The following LRP4 variants were observed in gnomAD, a reference collection of about 807,000 sequenced individuals.
LRP4 encodes low-density lipoprotein receptor-related protein 4.
LRP4 carries 95 observed loss-of-function variants against 220.3 expected under a neutral mutation model. The observed-to-expected ratio is 0.43, with a 90% CI of 0.37 to 0.51. The LOEUF (loss-of-function observed/expected upper bound fraction) is 0.51, where lower values mean the gene tolerates loss of function less well. Among genes scored for constraint, LRP4 ranks in the 20% least tolerant of loss-of-function variants. LRP4 has a pLI of 0.00. For missense variants in LRP4, 1,925 were observed against 2,567.0 expected, an observed-to-expected ratio of 0.75 and a Z score of 5.40; for synonymous variants, 903 against 954.6, an observed-to-expected ratio of 0.95 and a Z score of 1.00.
rs775159238 is a variant in LRP4 at position 46,874,954 on chromosome 11, A to T, written c.4075T>A (p.Ser1359Thr). Residue 1359 changes from serine to threonine, a missense_variant, in exon 28 of 38, where the codon TCC becomes ACC. Ser to Thr is a moderately conservative substitution (Grantham distance 58). Coordinates refer to ENST00000378623, the MANE Select transcript of LRP4 (RefSeq NM_002334.4). ...ATACGCCGGATGGAGCCACGGCTGGAGAAGAGCAGGTAGGTCTCAGGAGAG... is the reference window on the plus strand; with the variant it reads ...ATACGCCGGATGGAGCCACGGCTGGTGAAGAGCAGGTAGGTCTCAGGAGAG... ...DPSPETYLLF[S>T]SRGSIRRISL... 27 of 1,614,064 alleles carry T rather than the reference A, an allele frequency of 1.7e-5. No homozygotes were observed. The Admixed American group carries it at 3.8e-4, about 23-fold the overall frequency.
chr11:46,918,343 G>T lies in LRP4; in HGVS notation c.37C>A (p.Leu13Met). Reference sequence around the variant, plus strand: ...CGCCGCTTACCGTGTGCGCAGAGCAGGGCGCCAAGCAGCAGCGCGCCCCAC... The same window carrying T: ...CGCCGCTTACCGTGTGCGCAGAGCATGGCGCCAAGCAGCAGCGCGCCCCAC... Reference protein sequence around the residue: ...RQWGALLLGALLCAHGLASSP... With the variant: ...RQWGALLLGAMLCAHGLASSP... The change falls in exon 1 of 38, where the codon CTG becomes ATG. Residue 13 changes from leucine to methionine, a missense_variant. Coordinates refer to ENST00000378623, the MANE Select transcript of LRP4 (RefSeq NM_002334.4). This position sits in a 1 kb window ranked among gnomAD's most constrained non-coding sequence, Gnocchi z 6.0. 1 of 1,493,680 alleles carries T rather than the reference G, an allele frequency of 6.7e-7. No homozygotes were observed. The highest frequency in any genetic ancestry group is 1.2e-5 in the South Asian group (1 of 80,334). 92.5% of individuals were successfully genotyped at this position (1,493,680 alleles called of 1,614,324 possible).
intron 1 of LRP4, among the ~76,000 whole-genome samples, chr11:46,909,922 C>T (rs2134882536): frequency 6.6e-6 from 1 of 152,266 alleles, no homozygotes; most frequent in South Asian, 2.1e-4. Flanking sequence ...CTCCTTTCTC[C>T]TACAAGAGTT....
In LRP4 at chr11:46,889,529, T is replaced by C; in HGVS notation, c.2097A>G (p.Lys699=). ...TLHPQRQPAG[K]NRCGDNNGGC... is the part of the protein sequence containing the mutation. The stretch of plus-strand genomic sequence containing the variant: ...CTCCGTTGTTGTCCCCACAGCGGTT[T>C]TTCCCTGCTCAAAGAGCCCAGGGCA... The change falls in exon 16 of 38, where the codon AAA becomes AAG. Residue 699 remains lysine, a synonymous_variant. Transcript: ENST00000378623. 1.2e-6 allele frequency: 2 copies of C among 1,613,772 alleles called. No homozygotes were observed. The highest frequency in any genetic ancestry group is 1.1e-5 in the South Asian group (1 of 91,080).
chr11:46,869,140 A>G lies in LRP4; in HGVS notation c.4693-8T>C. On this transcript the variant is annotated splice_polypyrimidine_tract_variant and splice_region_variant and intron_variant, in intron 31 of 37. Transcript: ENST00000378623. ...GTAGATCCACCTGTCTTGCTACTCA[A>G]CAGGGGAAGCCCAAAAACAGTAAAT... is the stretch of plus-strand genomic sequence containing the variant. 1 of 1,613,820 alleles carries G rather than the reference A, an allele frequency of 6.2e-7. No individual in the cohort carries two copies. The highest frequency in any genetic ancestry group is 1.7e-5 in the Admixed American group (1 of 59,950).
At chr11:46,910,121 G>A (rs1428591420) in intron 1 of LRP4, among the ~76,000 whole-genome samples, 1 of 152,130 alleles carries the variant, frequency 6.6e-6, no homozygotes, top group African/African-American at 2.4e-5. Context: ...CATGATTGCG[G>A]GTCCAAGCAA....
In LRP4 at chr11:46,877,352, G is replaced by A. The variant is rs1335815829; in HGVS notation, c.3137-13C>T. 44 of 1,613,902 alleles carry A rather than the reference G, an allele frequency of 2.7e-5. No individual in the cohort carries two copies. Among genetic ancestry groups the A allele is most frequent in the Non-Finnish European group, 3.6e-5 (42 of 1,180,026 alleles). ...AAACTGTTCATGCCTGCCAGGTGGA[G>A]AGGAGGGAAGAGGATCACTCGAGCA... On this transcript the variant is annotated splice_polypyrimidine_tract_variant and intron_variant, in intron 22 of 37. Coordinates refer to ENST00000378623, the MANE Select transcript of LRP4 (RefSeq NM_002334.4).
intron 37 of LRP4, among the ~76,000 whole-genome samples, chr11:46,861,222 A>AT (rs1006190862): frequency 5.5e-4 from 82 of 150,180 alleles, no homozygotes; most frequent in African/African-American, 1.7e-3. Context: ...TTTAATTTCA[A>AT]TTTTTTTTTT....
intron 19 of LRP4, among the ~76,000 whole-genome samples, chr11:46,882,475 CA>C (rs537466152): frequency 7.1e-5 from 10 of 141,078 alleles, no homozygotes; most frequent in Non-Finnish European, 7.8e-5. Context: ...GACTCTGTTT[CA>C]AAAAAAAAAG....
chr11:46,877,451 T>C, intron 22 of LRP4, 112 bp from the exon 23 acceptor site: 1 of 1,126,232 alleles, frequency 8.9e-7, no homozygotes, highest in Middle Eastern at 2.0e-4. Flanking sequence ...AGCTATGTTA[T>C]TCTAGGCAAG....
rs961218307 is a variant in LRP4, at chr11:46,877,390, G to A, written c.3137-51C>T. 6 of 1,607,894 alleles carry A rather than the reference G, an allele frequency of 3.7e-6. No individual in the cohort carries two copies. The African/African-American group carries it at 4.0e-5, about 11-fold the overall frequency. ...GATCACTCGAGCACAGCCATTAAATGGATTTGGAATCAGGCAAACTGAAAC... is the reference window on the plus strand; with the variant it reads ...GATCACTCGAGCACAGCCATTAAATAGATTTGGAATCAGGCAAACTGAAAC... On this transcript the variant is annotated intron_variant, in intron 22 of 37. Transcript: ENST00000378623.
intron 28 of LRP4, 95 bp downstream of exon 28, chr11:46,874,705 A>C (rs989809328): frequency 2.8e-6 from 3 of 1,075,632 alleles, no homozygotes; most frequent in Middle Eastern, 2.0e-4. Context: ...CCAAAGTGCC[A>C]AATCACTCAT....
At chr11:46,888,049 G>A (rs1439821586) in intron 16 of LRP4, among the ~76,000 whole-genome samples, 1 of 142,472 alleles carries the variant, frequency 7.0e-6, no homozygotes, top group African/African-American at 2.8e-5. Flanking sequence ...AAAGGCCGGG[G>A]GCGGTGGCTT....
Position 46,890,616 on chromosome 11 carries a change from A to G in LRP4, c.1698-122T>C. 1.4e-6 allele frequency: 1 copy of G among 725,384 alleles called. No homozygotes were observed. Among genetic ancestry groups the G allele is most frequent in the South Asian group, 1.6e-5 (1 of 62,934 alleles). The allele number at this position is 725,384 out of a possible 1,614,324, so 44.9% of individuals were successfully genotyped here. ...GGGACTCCAATGTTTGGTCCACAGA[A>G]TGAATTTTTTTTTTAGACGGGGTCT... On this transcript the variant is annotated intron_variant, in intron 13 of 37. Transcript: ENST00000378623. This position sits in a 1 kb window ranked among gnomAD's most constrained non-coding sequence, Gnocchi z 5.3.
At chr11:46,905,019 C>T (rs1392011777) in intron 1 of LRP4, among the ~76,000 whole-genome samples, 2 of 146,090 alleles carry the variant, frequency 1.4e-5, no homozygotes, top group Non-Finnish European at 1.5e-5. Flanking sequence ...GGATTTCCTG[C>T]GGAAGCCAAG....
At chr11:46,882,903 C>T (rs1003090886) in intron 19 of LRP4, among the ~76,000 whole-genome samples, 4 of 151,848 alleles carry the variant, frequency 2.6e-5, no homozygotes, top group African/African-American at 9.7e-5. Context: ...TCTATACACT[C>T]AACTGGAAAG....
rs1009688226 is a variant in LRP4 at position 46,858,014 on chromosome 11, G to C, written c.*969C>G. On this transcript the variant is annotated 3_prime_UTR_variant, in exon 38 of 38. Coordinates refer to ENST00000378623, the MANE Select transcript of LRP4 (RefSeq NM_002334.4). ...ACTTCTGGTTTTTCTTTGAAAGCTT[G>C]TTTCTAGGTCTCTTCCCCAGAATCC... 2.0e-5 allele frequency: 3 copies of C among 152,546 alleles called. No homozygotes were observed. Among genetic ancestry groups the C allele is most frequent in the African/African-American group, 7.2e-5 (3 of 41,442 alleles). The allele number at this position is 152,546 out of a possible 1,614,324, so 9.4% of individuals were successfully genotyped here. A position where few individuals can be genotyped will look rare whatever the true frequency, so the allele number is the denominator to read the frequency against.
chr11:46,858,969 G>A lies in LRP4; in HGVS notation c.*14C>T. On this transcript the variant is annotated 3_prime_UTR_variant, in exon 38 of 38. Transcript: ENST00000378623. ...GGAGAAGGAACAGGCAGGCAGGGAA[G>A]AGAATGTGGGCATTTAGACCTGGCT... 6.2e-7 allele frequency: 1 copy of A among 1,612,220 alleles called. No homozygotes were observed. Among genetic ancestry groups the A allele is most frequent in the Non-Finnish European group, 8.5e-7 (1 of 1,178,802 alleles).
intron 30 of LRP4, 130 bp downstream of exon 30, chr11:46,872,970 C>T (rs1940909143): frequency 1.6e-6 from 2 of 1,278,218 alleles, no homozygotes; most frequent in Admixed American, 1.7e-5. Context: ...ATTCCCTTAT[C>T]CTTCTCAATG....
In LRP4 at chr11:46,899,343, C is replaced by T. The variant is rs1338484616; in HGVS notation, c.547+44G>A. ...GCCCTTAGCCAATGGGCAGAACTGT[C>T]TGCCCTCATCCAACCCAACAGCCTG... On this transcript the variant is annotated intron_variant, in intron 5 of 37. Transcript: ENST00000378623. This position sits in a 1 kb window ranked among gnomAD's most constrained non-coding sequence, Gnocchi z 5.9. 1.4e-6 allele frequency: 2 copies of T among 1,470,582 alleles called. No homozygotes were observed. Among genetic ancestry groups the T allele is most frequent in the East Asian group, 2.3e-5 (1 of 44,226 alleles). The allele number at this position is 1,470,582 out of a possible 1,614,324, so 91.1% of individuals were successfully genotyped here. A position where few individuals can be genotyped will look rare whatever the true frequency, so the allele number is the denominator to read the frequency against.
Sources: allele counts gnomAD v4.1 joint callset (sites outside exome capture counted in the v4.1 genomes callset), GRCh38; gene constraint gnomAD v4.1.1; non-coding constraint Gnocchi (gnomAD v3.1); transcripts MANE v1.5; gene names NCBI Gene and HGNC (gene_info 2026-07-23, HGNC 2026-07-21).